MAPK4: variants seen among roughly 807,000 people sequenced by gnomAD.
MAPK4 encodes the protein Erk3-related.
Under a neutral mutation model 47.7 loss-of-function variants are expected in MAPK4, and 22 were observed. The ratio of observed to expected loss-of-function variants is 0.46; its 90% CI spans 0.33 to 0.66. MAPK4 has a LOEUF of 0.66. MAPK4 is among the 30% of genes least tolerant of loss of function. The pLI is 0.02. For missense variants in MAPK4, 736 were observed against 831.7 expected (o/e 0.88, Z 1.42); for synonymous variants, 390 against 365.7 (o/e 1.07, Z -0.76).
At chr18:50,700,968 A>C (rs2144381585) in intron 2 of MAPK4, among the ~76,000 whole-genome samples, 1 of 152,004 alleles carries the variant, frequency 6.6e-6, no homozygotes, top group Non-Finnish European at 1.5e-5. Flanking sequence ...ACCTTTCAAA[A>C]CCACACCAGC....
At chr18:50,718,500 G>A (rs994251216) in intron 3 of MAPK4, among the ~76,000 whole-genome samples, 6 of 152,198 alleles carry the variant, frequency 3.9e-5, no homozygotes, top group African/African-American at 1.4e-4. Flanking sequence ...TTACAGGCAT[G>A]AGCCACTGCA....
intron 1 of MAPK4, among the ~76,000 whole-genome samples, chr18:50,604,504 A>G (rs1417858205): frequency 6.6e-6 from 1 of 152,220 alleles, no homozygotes; most frequent in East Asian, 1.9e-4. Context: ...TTTTAGAAAA[A>G]CAACTCCCAA....
At chr18:50,655,660 C>A (rs1026640580) in intron 1 of MAPK4, among the ~76,000 whole-genome samples, 3 of 152,080 alleles carry the variant, frequency 2.0e-5, no homozygotes, top group Admixed American at 2.0e-4. Flanking sequence ...GAGTGAGACC[C>A]GGCTGAGTCT....
intron 1 of MAPK4, among the ~76,000 whole-genome samples, chr18:50,656,744 C>T (rs1451947370): frequency 1.3e-5 from 2 of 152,118 alleles, no homozygotes; most frequent in Admixed American, 6.5e-5. Flanking sequence ...CTGAATGTTC[C>T]TGCATTGTTT....
chr18:50,710,862 A>G (rs888815276), intron 2 of MAPK4, among the ~76,000 whole-genome samples: 1 of 152,238 alleles, frequency 6.6e-6, no homozygotes, highest in Non-Finnish European at 1.5e-5. Flanking sequence ...TAGGCACATT[A>G]TCATTAAAGG....
chr18:50,602,406 C>T lies in MAPK4; in HGVS notation c.-871+42163C>T, dbSNP rs1220130443. 3.3e-5 allele frequency among the ~76,000 whole-genome samples: 5 copies of T among 152,174 alleles called. No homozygotes were observed. The East Asian group carries it at 9.6e-4, about 29-fold the overall frequency. Reference sequence around the variant, plus strand: ...AAGCCTTTGCTTTTGGGGTTCCTTACTTGGAACATCCTCCCTGGCTATCTT... The same window carrying T: ...AAGCCTTTGCTTTTGGGGTTCCTTATTTGGAACATCCTCCCTGGCTATCTT... On this transcript the variant is annotated intron_variant, in intron 1 of 5. Transcript: ENST00000400384.
intron 1 of MAPK4, among the ~76,000 whole-genome samples, chr18:50,641,171 A>G (rs533165545): frequency 6.6e-6 from 1 of 152,192 alleles, no homozygotes; most frequent in Non-Finnish European, 1.5e-5. Context: ...CACATTCCAC[A>G]TAGAAATCCC....
chr18:50,644,327 C>G (rs1278610355), intron 1 of MAPK4, among the ~76,000 whole-genome samples: 1 of 152,032 alleles, frequency 6.6e-6, no homozygotes, highest in Non-Finnish European at 1.5e-5. Context: ...AGGGTAATCA[C>G]CAGATTGGAA....
intron 1 of MAPK4, among the ~76,000 whole-genome samples, chr18:50,620,711 C>T (rs2042724160): frequency 6.6e-6 from 1 of 151,956 alleles, no homozygotes; most frequent in Non-Finnish European, 1.5e-5. Flanking sequence ...TCAAGACCAG[C>T]TTGGGCAACA....
chr18:50,623,119 C>T (rs2042746710), intron 1 of MAPK4, among the ~76,000 whole-genome samples: 1 of 152,180 alleles, frequency 6.6e-6, no homozygotes, highest in African/African-American at 2.4e-5. Flanking sequence ...TATCATTTGT[C>T]AGGCTGTAAG....
intron 1 of MAPK4, among the ~76,000 whole-genome samples, chr18:50,655,836 A>G (rs1201181109): frequency 2.6e-5 from 4 of 152,124 alleles, no homozygotes; most frequent in African/African-American, 9.7e-5. Flanking sequence ...GGCCTCAGGG[A>G]TGCTTTTTAA....
intron 5 of MAPK4, among the ~76,000 whole-genome samples, chr18:50,727,988 G>C (rs1335458993): frequency 1.3e-5 from 2 of 152,238 alleles, no homozygotes; most frequent in Non-Finnish European, 2.9e-5. Context: ...CAATCAAGGA[G>C]GCAGGGTTCA....
intron 2 of MAPK4, among the ~76,000 whole-genome samples, chr18:50,707,192 C>T (rs1910101651): frequency 6.6e-6 from 1 of 152,124 alleles, no homozygotes; most frequent in Non-Finnish European, 1.5e-5. Context: ...TAGAAAGGAG[C>T]ATGGTGGTTG....
chr18:50,711,136 C>T (rs961764911), intron 2 of MAPK4, among the ~76,000 whole-genome samples: 8 of 152,238 alleles, frequency 5.3e-5, no homozygotes, highest in Non-Finnish European at 8.8e-5. Flanking sequence ...AAAGAGAATG[C>T]TCAGAGCTTT....
At chr18:50,620,383 C>T (rs1406344369) in intron 1 of MAPK4, among the ~76,000 whole-genome samples, 1 of 152,196 alleles carries the variant, frequency 6.6e-6, no homozygotes, top group Non-Finnish European at 1.5e-5. Flanking sequence ...ATATGAAGAA[C>T]TTATCTAATA....
intron 1 of MAPK4, among the ~76,000 whole-genome samples, chr18:50,595,841 G>A (rs2042477043): frequency 6.6e-6 from 1 of 152,058 alleles, no homozygotes; most frequent in South Asian, 2.1e-4. Flanking sequence ...TTTTTTGGCA[G>A]CTTCATCACA....
At chr18:50,645,425 T>G (rs1366406517) in intron 1 of MAPK4, among the ~76,000 whole-genome samples, 1 of 152,218 alleles carries the variant, frequency 6.6e-6, no homozygotes, top group Non-Finnish European at 1.5e-5. Flanking sequence ...ATGATTTTGC[T>G]GTGTTCGGAC....
chr18:50,649,929 C>A (rs547865776), intron 1 of MAPK4, among the ~76,000 whole-genome samples: 1 of 152,228 alleles, frequency 6.6e-6, no homozygotes, highest in Admixed American at 6.5e-5. Context: ...TGCTTTAGTG[C>A]GTCACCATCC....
chr18:50,586,323 T>A (rs2042387533), intron 1 of MAPK4, among the ~76,000 whole-genome samples: 2 of 152,044 alleles, frequency 1.3e-5, no homozygotes, highest in Non-Finnish European at 2.9e-5. Flanking sequence ...GAACAAAGTA[T>A]TCTGAAAGAG....
Sources: allele counts gnomAD v4.1 joint callset (sites outside exome capture counted in the v4.1 genomes callset), GRCh38; gene constraint gnomAD v4.1.1; transcripts MANE v1.5; gene names NCBI Gene and HGNC (gene_info 2026-07-23, HGNC 2026-07-21).